DOCK5: variants seen among roughly 807,000 people sequenced by gnomAD.
The protein encoded by DOCK5 is dedicator of cytokinesis protein 5.
DOCK5 carries 142 observed loss-of-function variants against 251.8 expected under a neutral mutation model. The observed-to-expected ratio is 0.56, with a 90% CI of 0.49 to 0.65. The LOEUF (loss-of-function observed/expected upper bound fraction) is 0.65. DOCK5 is among the 30% of genes least tolerant of loss of function. The pLI is 0.00. For missense variants in DOCK5, 2,111 were observed against 2,312.3 expected (o/e 0.91, Z 1.79); for synonymous variants, 842 against 835.5 (o/e 1.01, Z -0.13).
In DOCK5 at chr8:25,373,647, C is replaced by T. The variant is rs1415872690; in HGVS notation, c.3714C>T (p.Asp1238=). 6.3e-7 allele frequency: 1 copy of T among 1,595,702 alleles called. No individual in the cohort carries two copies. The highest frequency in any genetic ancestry group is 1.3e-5 in the African/African-American group (1 of 74,646). The change falls in exon 36 of 52, where the codon GAC becomes GAT. Residue 1238 remains aspartate (D), a synonymous_variant. Transcript: ENST00000276440. ...LNFYKEKKRE[D]IYIRYLYKLR... ...TTTATAAAGAAAAGAAGAGAGAGGA[C>T]ATATACATAAGGTAAGCTGAAGGAA...
At chr8:25,220,816 C>G (rs1298815662) in intron 1 of DOCK5, among the ~76,000 whole-genome samples, 1 of 152,164 alleles carries the variant, frequency 6.6e-6, no homozygotes, top group East Asian at 1.9e-4. Context: ...GTTGGCCAGG[C>G]TGGTCTTGAA....
chr8:25,227,331 AT>A (rs953568004), intron 1 of DOCK5, among the ~76,000 whole-genome samples: 2 of 148,084 alleles, frequency 1.4e-5, no homozygotes, highest in African/African-American at 2.5e-5. Context: ...TATTACTTGC[AT>A]TTTTTTTGGA....
intron 10 of DOCK5, 139 bp from the exon 11 acceptor site, chr8:25,304,116 C>A: frequency 4.4e-6 from 3 of 679,054 alleles, no homozygotes; most frequent in Non-Finnish European, 4.6e-6. Context: ...TCACCATTGG[C>A]AAAGAAATTT....
chr8:25,386,728 C>G (rs1320662874), intron 40 of DOCK5, among the ~76,000 whole-genome samples: 1 of 152,142 alleles, frequency 6.6e-6, no homozygotes, highest in Non-Finnish European at 1.5e-5. Context: ...CTGCATGTCC[C>G]ATGAAATCAG....
intron 22 of DOCK5, among the ~76,000 whole-genome samples, chr8:25,340,025 G>T (rs1805913611): frequency 6.6e-6 from 1 of 152,290 alleles, no homozygotes; most frequent in South Asian, 2.1e-4. Flanking sequence ...GTTTGATGGG[G>T]CAATGAGAGA....
chr8:25,306,432 C>T (rs1281295952), intron 11 of DOCK5, among the ~76,000 whole-genome samples: 4 of 152,050 alleles, frequency 2.6e-5, no homozygotes, highest in Admixed American at 1.3e-4. Context: ...TAGGTCCGGG[C>T]GCATAGGCTT....
At chr8:25,275,267 C>T in intron 3 of DOCK5, 119 bp from the exon 4 acceptor site, 4 of 721,650 alleles carry the variant, frequency 5.5e-6, no homozygotes, top group Non-Finnish European at 9.0e-6. Context: ...AACCTGATCT[C>T]AGGAGTTTAG....
chr8:25,270,412 G>T (rs1260866885), intron 3 of DOCK5, among the ~76,000 whole-genome samples: 1 of 152,062 alleles, frequency 6.6e-6, no homozygotes, highest in Non-Finnish European at 1.5e-5. Context: ...AGCCCTATTG[G>T]TGTTAATTTT....
intron 38 of DOCK5, 48 bp from the exon 39 acceptor site, chr8:25,380,257 A>G: frequency 6.5e-7 from 1 of 1,545,134 alleles, no homozygotes; most frequent in South Asian, 1.2e-5. Context: ...CACTGAATCA[A>G]TGACTGCCTT....
chr8:25,335,256 A>G (rs555281081), intron 21 of DOCK5, among the ~76,000 whole-genome samples: 6 of 152,360 alleles, frequency 3.9e-5, no homozygotes, highest in African/African-American at 1.4e-4. Context: ...CGTTCCACCC[A>G]GGAGCCTCAC....
chr8:25,339,318 AG>A (rs1357306578), intron 22 of DOCK5, among the ~76,000 whole-genome samples: 4 of 152,162 alleles, frequency 2.6e-5, no homozygotes, highest in Non-Finnish European at 5.9e-5. Context: ...TTAATCCCTT[AG>A]CCCCCTATCA....
chr8:25,356,974 T>C (rs1800587299), intron 27 of DOCK5, among the ~76,000 whole-genome samples: 2 of 149,408 alleles, frequency 1.3e-5, no homozygotes, highest in African/African-American at 4.9e-5. Flanking sequence ...TCCCAAGCTT[T>C]AAAAATTTTG....
At position 25,273,565 on chromosome 8, in the gene DOCK5, TG is replaced by T. The variant is rs1446437459; in HGVS notation, c.169-1820del. ...TTGCAGTGAGCCGAAATTGTGCGACTGTACTCCAGTCTGGGCAACAGAGCAA... is the reference window on the plus strand; with the variant it reads ...TTGCAGTGAGCCGAAATTGTGCGACTTACTCCAGTCTGGGCAACAGAGCAA... On this transcript the variant is annotated intron_variant, in intron 3 of 51. Coordinates refer to ENST00000276440, the MANE Select transcript of DOCK5 (RefSeq NM_024940.8). Among the ~76,000 whole-genome samples, 4 of 152,244 alleles carry T rather than the reference TG, an allele frequency of 2.6e-5. No individual in the cohort carries two copies. In the East Asian group the frequency reaches 7.7e-4, roughly 29 times the overall value.
intron 5 of DOCK5, among the ~76,000 whole-genome samples, chr8:25,289,513 G>A (rs1248289992): frequency 1.3e-5 from 2 of 150,238 alleles, no homozygotes; most frequent in African/African-American, 4.9e-5. Context: ...GAAGTATATG[G>A]TTATATAACT....
chr8:25,233,221 G>T (rs1277545768), intron 1 of DOCK5, among the ~76,000 whole-genome samples: 1 of 152,074 alleles, frequency 6.6e-6, no homozygotes, highest in Non-Finnish European at 1.5e-5. Flanking sequence ...CTCCTCTCAG[G>T]TATCACTCCC....
At chr8:25,279,119 C>T (rs1033327848) in intron 5 of DOCK5, among the ~76,000 whole-genome samples, 5 of 152,140 alleles carry the variant, frequency 3.3e-5, no homozygotes, top group African/African-American at 1.2e-4. Flanking sequence ...ATGAGGATGA[C>T]ATTCTTTACC....
At chr8:25,355,127 A>T (rs1005316694) in intron 27 of DOCK5, among the ~76,000 whole-genome samples, 1 of 152,158 alleles carries the variant, frequency 6.6e-6, no homozygotes, top group African/African-American at 2.4e-5. Flanking sequence ...CCAGCTGCTT[A>T]GGAGGATGAG....
intron 26 of DOCK5, among the ~76,000 whole-genome samples, chr8:25,347,668 T>C (rs1475986104): frequency 6.6e-6 from 1 of 152,210 alleles, no homozygotes; most frequent in Non-Finnish European, 1.5e-5. Flanking sequence ...GTTCTAGAAA[T>C]CATATGTTTA....
intron 29 of DOCK5, among the ~76,000 whole-genome samples, 179 bp from the exon 30 acceptor site, chr8:25,364,447 C>T (rs1322057150): frequency 6.6e-6 from 1 of 152,168 alleles, no homozygotes; most frequent in Non-Finnish European, 1.5e-5. Context: ...GTTCTGTAAA[C>T]TGACCTCCTG....
Sources: allele counts gnomAD v4.1 joint callset (sites outside exome capture counted in the v4.1 genomes callset), GRCh38; gene constraint gnomAD v4.1.1; transcripts MANE v1.5; gene names NCBI Gene and HGNC (gene_info 2026-07-23, HGNC 2026-07-21).